The following DGKI variants were observed in gnomAD, a reference collection of about 807,000 sequenced individuals.
DGKI encodes the protein diacylglycerol kinase iota.
Under a neutral mutation model 147.5 loss-of-function variants are expected in DGKI, and 55 were observed. That is an observed-to-expected ratio of 0.37 (90% CI 0.30 to 0.47). The LOEUF (loss-of-function observed/expected upper bound fraction) is 0.47, where lower values mean the gene tolerates loss of function less well. DGKI is among the 20% of genes least tolerant of loss of function. The probability of loss-of-function intolerance (pLI) is 1.00; values close to 1 mark genes in which losing one functional copy is unlikely to be tolerated. For synonymous variants in DGKI, 469 were observed against 477.1 expected (o/e 0.98, Z 0.22); for missense variants, 1,007 against 1,323.8 (o/e 0.76, Z 3.71).
chr7:137,846,677 C>T lies in DGKI; in HGVS notation c.186G>A (p.Glu62=), dbSNP rs1222398165. 1 of 1,072,430 alleles carries T rather than the reference C, an allele frequency of 9.3e-7. No individual in the cohort carries two copies. Among genetic ancestry groups the T allele is most frequent in the Non-Finnish European group, 1.1e-6 (1 of 883,258 alleles). The allele number at this position is 1,072,430 out of a possible 1,614,324, so 66.4% of individuals were successfully genotyped here. Residue 62 remains glutamate (E), a synonymous_variant, in exon 1 of 33, where the codon GAG becomes GAA. Coordinates refer to ENST00000614521, the MANE Select transcript of DGKI (RefSeq NM_001321708.2). The surrounding 1 kb of genome is among the most constrained non-coding windows in gnomAD (Gnocchi z 4.0). ...TGCTGCTGCCGCCCGTCGCCCCTTTCTCCTCTCCCGCCGAGGAGCTGGGGT... is the reference window on the plus strand; with the variant it reads ...TGCTGCTGCCGCCCGTCGCCCCTTTTTCCTCTCCCGCCGAGGAGCTGGGGT... The part of the protein sequence containing the change: ...AMNPSSSAGE[E]KGATGGSSSS...
intron 6 of DGKI, among the ~76,000 whole-genome samples, chr7:137,639,909 T>C (rs1323323958): frequency 6.6e-6 from 1 of 152,144 alleles, no homozygotes. Flanking sequence ...CTTGATGAGT[T>C]TGGAGATAAG....
At chr7:137,600,097 A>C (rs2128989382) in intron 10 of DGKI, among the ~76,000 whole-genome samples, 192 bp from the exon 11 acceptor site, 1 of 152,302 alleles carries the variant, frequency 6.6e-6, no homozygotes, top group African/African-American at 2.4e-5. Flanking sequence ...CAGCCTAGGC[A>C]ACATGACAAA....
chr7:137,805,327 G>A (rs1274728737), intron 1 of DGKI, among the ~76,000 whole-genome samples: 1 of 152,170 alleles, frequency 6.6e-6, no homozygotes, highest in Admixed American at 6.5e-5. Flanking sequence ...ACAATCACCA[G>A]TGCTGATTCT....
chr7:137,816,722 G>A (rs6950955), intron 1 of DGKI, among the ~76,000 whole-genome samples: 1 of 152,326 alleles, frequency 6.6e-6, no homozygotes, highest in South Asian at 2.1e-4. Context: ...TTTTGTAATA[G>A]AGAGTGACAG....
rs1289349561 is a variant in DGKI, at chr7:137,638,548, ATGTGTG to A, written c.804+6918_804+6923del. 2.3e-3 allele frequency among the ~76,000 whole-genome samples: 255 copies of A among 109,274 alleles called. 6 individuals carry two copies. The highest frequency in any genetic ancestry group is 7.9e-3 in the African/African-American group (189 of 24,052). 71.7% of individuals were successfully genotyped at this position (109,274 alleles called of 152,430 possible). A position where few individuals can be genotyped will look rare whatever the true frequency, so the allele number is the denominator to read the frequency against. The stretch of plus-strand genomic sequence containing the variant: ...TATACACACACATATATGTATATAT[ATGTGTG>A]TATATATATACACACATATATGTAT... On this transcript the variant is annotated intron_variant, in intron 6 of 32. Transcript: ENST00000614521.
intron 21 of DGKI, among the ~76,000 whole-genome samples, chr7:137,516,980 C>T (rs1268798349): frequency 6.6e-6 from 1 of 151,768 alleles, no homozygotes; most frequent in Non-Finnish European, 1.5e-5. Context: ...ACCACCTTTA[C>T]CAAATGATCA....
intron 28 of DGKI, among the ~76,000 whole-genome samples, chr7:137,419,259 G>C (rs1812471636): frequency 6.6e-6 from 1 of 152,226 alleles, no homozygotes; most frequent in Admixed American, 6.5e-5. Context: ...AACTTTTTGT[G>C]TGTGCCAACA....
intron 1 of DGKI, among the ~76,000 whole-genome samples, chr7:137,706,459 C>T (rs1395314151): frequency 6.6e-6 from 1 of 150,612 alleles, no homozygotes; most frequent in Non-Finnish European, 1.5e-5. Flanking sequence ...GGGTGGTATA[C>T]TGAAGTACCA....
chr7:137,530,694 A>G lies in DGKI; in HGVS notation c.2148-8728T>C, dbSNP rs1817309255. Among the ~76,000 whole-genome samples the G allele has an allele frequency of 2.0e-5, 3 of 152,302 alleles. No homozygotes were observed. The South Asian group carries it at 6.2e-4, about 32-fold the overall frequency. Reference sequence around the variant, plus strand: ...CATCTTTTTTCTGACATCTGACTACATTCTTCATCACACCTAATCATGTGT... The same window carrying G: ...CATCTTTTTTCTGACATCTGACTACGTTCTTCATCACACCTAATCATGTGT... On this transcript the variant is annotated intron_variant, in intron 20 of 32. Transcript: ENST00000614521.
chr7:137,659,990 T>C (rs1305725730), intron 3 of DGKI, among the ~76,000 whole-genome samples: 2 of 152,230 alleles, frequency 1.3e-5, no homozygotes, highest in South Asian at 2.1e-4. Context: ...ACAGTTGTTA[T>C]AGAACCTAGC....
chr7:137,559,062 CTTTTTTTTTTTTTTT>C (rs71177910), intron 19 of DGKI, among the ~76,000 whole-genome samples: 7 of 83,614 alleles, frequency 8.4e-5, no homozygotes, highest in Non-Finnish European at 1.3e-4. Context: ...ACCTACAATT[CTTTTTTTTTTTTTTT>C]TTTTTTTTTT....
At chr7:137,508,957 C>A (rs1451305031) in intron 21 of DGKI, among the ~76,000 whole-genome samples, 1 of 152,008 alleles carries the variant, frequency 6.6e-6, no homozygotes, top group African/African-American at 2.4e-5. Flanking sequence ...TCACATTACT[C>A]AGGAAGTCAA....
rs184530919 is a variant in DGKI at position 137,696,318 on chromosome 7, G to A, written c.402-6316C>T. ...TCCTAATACAAAATCAGAAAGCACC[G>A]CACACTTTCCTCAGACAGATTTACC... On this transcript the variant is annotated intron_variant, in intron 1 of 32. Transcript: ENST00000614521. 1.6e-3 allele frequency among the ~76,000 whole-genome samples: 241 copies of A among 150,850 alleles called. 2 individuals carry two copies. Among genetic ancestry groups the A allele is most frequent in the Middle Eastern group, 0.01 (3 of 288 alleles).
intron 27 of DGKI, among the ~76,000 whole-genome samples, chr7:137,451,940 G>T (rs1813981544): frequency 6.6e-6 from 1 of 151,842 alleles, no homozygotes; most frequent in Admixed American, 6.6e-5. Context: ...TCCTCAGAAT[G>T]GCTACATCAT....
At chr7:137,763,014 T>A (rs1052325162) in intron 1 of DGKI, among the ~76,000 whole-genome samples, 7 of 152,206 alleles carry the variant, frequency 4.6e-5, no homozygotes, top group African/African-American at 7.2e-5. Context: ...TCACTTAGCA[T>A]TTTGATTTCC....
chr7:137,592,330 C>A (rs982100238), intron 12 of DGKI, among the ~76,000 whole-genome samples: 1 of 152,198 alleles, frequency 6.6e-6, no homozygotes, highest in Non-Finnish European at 1.5e-5. Context: ...CCTGATTGGG[C>A]CTAATGATTT....
At chr7:137,714,016 A>G (rs1394928301) in intron 1 of DGKI, among the ~76,000 whole-genome samples, 1 of 152,198 alleles carries the variant, frequency 6.6e-6, no homozygotes, top group Non-Finnish European at 1.5e-5. Flanking sequence ...TATTTCTCAG[A>G]CATTATTGAC....
chr7:137,732,019 A>G (rs1276555800), intron 1 of DGKI, among the ~76,000 whole-genome samples: 3 of 151,986 alleles, frequency 2.0e-5, no homozygotes, highest in Non-Finnish European at 4.4e-5. Context: ...TTCCAATAAT[A>G]CTTTAAAATC....
intron 2 of DGKI, among the ~76,000 whole-genome samples, chr7:137,687,181 T>C (rs1357414722): frequency 6.6e-6 from 1 of 152,058 alleles, no homozygotes; most frequent in Non-Finnish European, 1.5e-5. Context: ...GCCACTGTGG[T>C]CAAGACCTTC....
Sources: gnomAD v4.1 joint callset for allele counts (sites outside exome capture counted in the v4.1 genomes callset) on GRCh38, gnomAD v4.1.1 for gene constraint, Gnocchi (gnomAD v3.1) non-coding constraint, MANE v1.5 for transcripts, NCBI Gene and HGNC (gene_info 2026-07-23, HGNC 2026-07-21) for gene names.